Variants in AFG2A observed in about 807,000 individuals in gnomAD.
AFG2A encodes ATPase family gene 2 protein homolog A.
chr4:123,165,071 C>A, the AFG2A span, among the ~76,000 whole-genome samples: 1 of 151,388 alleles, frequency 6.6e-6, no homozygotes, highest in South Asian at 2.1e-4. Context: ...TTGGAGTGAA[C>A]TGTAAAAAAA....
chr4:123,272,534 G>A, the AFG2A span, among the ~76,000 whole-genome samples: 4 of 152,276 alleles, frequency 2.6e-5, no homozygotes, highest in East Asian at 7.7e-4. Flanking sequence ...CTCAGGGAAA[G>A]TGCTTCAGCA....
chr4:123,100,499 T>A, the AFG2A span, among the ~76,000 whole-genome samples: 1 of 151,972 alleles, frequency 6.6e-6, no homozygotes, highest in Non-Finnish European at 1.5e-5. Flanking sequence ...TTCTCATCTT[T>A]TTCTTGTGAA....
the AFG2A span, among the ~76,000 whole-genome samples, chr4:123,173,340 G>GTTTTGTTTTT: frequency 1.4e-5 from 1 of 70,272 alleles, no homozygotes; most frequent in Non-Finnish European, 2.4e-5. Flanking sequence ...AAGTCCAATG[G>GTTTTGTTTTT]TTTTTTTTTT....
chr4:123,003,378 G>A, the AFG2A span, among the ~76,000 whole-genome samples: 299 of 152,286 alleles, frequency 2.0e-3, no homozygotes, highest in South Asian at 4.4e-3. Flanking sequence ...GAGGAGAGGC[G>A]CTCTGCTTTT....
chr4:123,240,091 A>C, the AFG2A span, among the ~76,000 whole-genome samples: 4 of 152,208 alleles, frequency 2.6e-5, no homozygotes, highest in African/African-American at 9.6e-5. Context: ...AGGTCATTAC[A>C]TAATGGTAAA....
chr4:123,315,945 ATT>A, the AFG2A span: 1 of 148,532 alleles, frequency 6.7e-6, no homozygotes, highest in Non-Finnish European at 1.5e-5. Flanking sequence ...TGTCAGGCTA[ATT>A]TTTTTTTTTA....
At chr4:123,315,378 T>C in the AFG2A span, 1 of 149,146 alleles carries the variant, frequency 6.7e-6, no homozygotes, top group Non-Finnish European at 1.5e-5. Context: ...TTTTTTTTAT[T>C]AGAGACAGGG....
At chr4:123,118,345 T>TATATATA in the AFG2A span, among the ~76,000 whole-genome samples, 8 of 25,842 alleles carry the variant, frequency 3.1e-4, no homozygotes, top group Middle Eastern at 0.014. Flanking sequence ...TATATTATAT[T>TATATATA]ATATATATTA....
At chr4:122,955,270 C>G in the AFG2A span, among the ~76,000 whole-genome samples, 1 of 152,140 alleles carries the variant, frequency 6.6e-6, no homozygotes, top group Non-Finnish European at 1.5e-5. Flanking sequence ...CGTGGCAACC[C>G]TCCTTTCTTA....
the AFG2A span, among the ~76,000 whole-genome samples, chr4:122,983,833 A>G: frequency 2.0e-5 from 3 of 152,182 alleles, no homozygotes; most frequent in Non-Finnish European, 2.9e-5. Flanking sequence ...CCCAGTACCA[A>G]CCCAGAGCTG....
the AFG2A span, among the ~76,000 whole-genome samples, chr4:123,141,598 A>G: frequency 6.6e-6 from 1 of 152,196 alleles, no homozygotes; most frequent in African/African-American, 2.4e-5. Flanking sequence ...CTAAGCTATG[A>G]TGTTCAGTAG....
chr4:123,049,358 T>C, the AFG2A span, among the ~76,000 whole-genome samples: 14 of 152,300 alleles, frequency 9.2e-5, no homozygotes, highest in South Asian at 2.9e-3. Flanking sequence ...ATGGTAATGC[T>C]GCCTTCATTG....
At chr4:123,071,257 G>C in the AFG2A span, among the ~76,000 whole-genome samples, 2 of 152,142 alleles carry the variant, frequency 1.3e-5, no homozygotes, top group Admixed American at 1.3e-4. Flanking sequence ...AAGGCGGGTG[G>C]ATCACCTAAG....
the AFG2A span, among the ~76,000 whole-genome samples, chr4:122,992,132 T>C: frequency 6.6e-6 from 1 of 152,228 alleles, no homozygotes; most frequent in Non-Finnish European, 1.5e-5. Flanking sequence ...GGGAATGTGT[T>C]TAAACAGCAT....
chr4:123,023,076 C>T, the AFG2A span, among the ~76,000 whole-genome samples: 1 of 150,864 alleles, frequency 6.6e-6, no homozygotes, highest in South Asian at 2.1e-4. Context: ...AGGAGATATA[C>T]CTAATGCTAA....
At chr4:122,975,506 T>A in the AFG2A span, among the ~76,000 whole-genome samples, 1 of 152,036 alleles carries the variant, frequency 6.6e-6, no homozygotes, top group African/African-American at 2.4e-5. Context: ...ATTTTGTGAG[T>A]GGCTGCAGAA....
the AFG2A span, chr4:123,313,846 G>A: frequency 2.6e-6 from 4 of 1,510,166 alleles, no homozygotes; most frequent in African/African-American, 4.2e-5. Context: ...AGTACTGATT[G>A]TTTTCTACCT....
chr4:123,183,515 G>A, the AFG2A span, among the ~76,000 whole-genome samples: 1 of 152,200 alleles, frequency 6.6e-6, no homozygotes, highest in South Asian at 2.1e-4. Context: ...TGCATTATCA[G>A]CATTTTATTA....
At chr4:123,032,263 G>A in the AFG2A span, among the ~76,000 whole-genome samples, 1 of 152,156 alleles carries the variant, frequency 6.6e-6, no homozygotes, top group Non-Finnish European at 1.5e-5. Context: ...AAAACCTGTG[G>A]TTTATTCAAA....
Sources: allele counts gnomAD v4.1 joint callset (sites outside exome capture counted in the v4.1 genomes callset), GRCh38; gene constraint gnomAD v4.1.1; transcripts MANE v1.5; gene names NCBI Gene and HGNC (gene_info 2026-07-23, HGNC 2026-07-21).